The following KCNU1 variants were observed in gnomAD, a reference collection of about 807,000 sequenced individuals.
The protein encoded by KCNU1 is potassium calcium-activated channel subfamily U member 1.
In KCNU1, 93 loss-of-function variants were observed where a neutral mutation model predicts 126.8. The ratio of observed to expected loss-of-function variants is 0.73; its 90% CI spans 0.62 to 0.87. KCNU1 has a LOEUF of 0.87. Among genes scored for constraint, KCNU1 ranks in the 40% least tolerant of loss-of-function variants. The pLI, the probability that KCNU1 is intolerant of heterozygous loss-of-function variation, is 0.00. For missense variants in KCNU1, 1,330 were observed against 1,367.1 expected (o/e 0.97, Z 0.43); for synonymous variants, 523 against 494.2 (o/e 1.06, Z -0.77).
intron 18 of KCNU1, among the ~76,000 whole-genome samples, chr8:36,861,256 A>G (rs142436904): frequency 1.3e-5 from 2 of 152,212 alleles, no homozygotes; most frequent in African/African-American, 2.4e-5. Context: ...TTGCACTCCT[A>G]TATTTGTGTC....
intron 26 of KCNU1, among the ~76,000 whole-genome samples, chr8:36,934,899 T>G (rs572503933): frequency 6.6e-6 from 1 of 152,162 alleles, no homozygotes; most frequent in Non-Finnish European, 1.5e-5. Flanking sequence ...TAGGGTTCAT[T>G]AACGTTCACT....
intron 19 of KCNU1, among the ~76,000 whole-genome samples, chr8:36,869,387 A>G (rs1306649213): frequency 6.6e-6 from 1 of 152,110 alleles, no homozygotes; most frequent in East Asian, 1.9e-4. Context: ...AAATCTAAAT[A>G]CTTTTCCATA....
At chr8:36,849,504 T>C (rs1327524827) in intron 18 of KCNU1, among the ~76,000 whole-genome samples, 1 of 152,004 alleles carries the variant, frequency 6.6e-6, no homozygotes, top group African/African-American at 2.4e-5. Flanking sequence ...CAGGAGAATC[T>C]CTTGAACCCA....
intron 18 of KCNU1, among the ~76,000 whole-genome samples, chr8:36,859,445 A>C (rs898202731): frequency 6.6e-6 from 1 of 152,072 alleles, no homozygotes; most frequent in African/African-American, 2.4e-5. Context: ...TCTCCCCGCT[A>C]CTATACTCAA....
At chr8:36,809,139 C>T (rs530660141) in intron 7 of KCNU1, among the ~76,000 whole-genome samples, 2 of 152,224 alleles carry the variant, frequency 1.3e-5, no homozygotes, top group South Asian at 4.2e-4. Flanking sequence ...AAGCCAGTTA[C>T]AGGATTTCAG....
At chr8:36,827,808 G>A (rs1052836707) in intron 10 of KCNU1, among the ~76,000 whole-genome samples, 4 of 152,146 alleles carry the variant, frequency 2.6e-5, no homozygotes, top group African/African-American at 9.7e-5. Flanking sequence ...TAATTTCAGA[G>A]TATTTGAAAA....
At position 36,836,945 on chromosome 8, in the gene KCNU1, G is replaced by A; in HGVS notation, c.1518G>A (p.Lys506=). 1.2e-6 allele frequency: 2 copies of A among 1,613,320 alleles called. No individual in the cohort carries two copies. Among genetic ancestry groups the A allele is most frequent in the African/African-American group, 1.3e-5 (1 of 75,002 alleles). The change falls in exon 14 of 27, where the codon AAG becomes AAA. Residue 506 remains lysine (K), a splice_region_variant and synonymous_variant. Coordinates refer to ENST00000399881, the MANE Select transcript of KCNU1 (RefSeq NM_001031836.3). ...LTSLFVEQNK[K]VMPKQTWKKH... Reference sequence around the variant, plus strand: ...CTCTATTTGTGGAGCAAAACAAAAAGGTAACCTTGTAAATTACTGTTGATT... The same window carrying A: ...CTCTATTTGTGGAGCAAAACAAAAAAGTAACCTTGTAAATTACTGTTGATT...
chr8:36,920,407 T>C (rs1401168231), intron 23 of KCNU1, among the ~76,000 whole-genome samples: 2 of 151,984 alleles, frequency 1.3e-5, no homozygotes, highest in African/African-American at 4.8e-5. Context: ...TAAGTTAGAG[T>C]GGTTGCGAAG....
At chr8:36,805,306 G>A (rs1803457279) in intron 4 of KCNU1, 21 bp downstream of exon 4, 3 of 1,421,110 alleles carry the variant, frequency 2.1e-6, no homozygotes, top group East Asian at 2.3e-5. Flanking sequence ...ATTGAAAGTG[G>A]GAGTGAATAT....
chr8:36,934,942 T>C (rs932294396), intron 26 of KCNU1, among the ~76,000 whole-genome samples: 7 of 152,142 alleles, frequency 4.6e-5, no homozygotes, highest in Admixed American at 3.3e-4. Flanking sequence ...CAAATGAAAC[T>C]GTTTTTTTCT....
chr8:36,888,874 T>C (rs1461574078), intron 19 of KCNU1: 1 of 436,226 alleles, frequency 2.3e-6, no homozygotes, highest in Non-Finnish European at 4.7e-6. Flanking sequence ...TAAAAACTAC[T>C]AGTTCCATTT....
chr8:36,807,395 TTGCGCC>T lies in KCNU1; in HGVS notation c.605_610del (p.Arg202_Leu203del), dbSNP rs1803542723. 1 of 1,613,370 alleles carries T rather than the reference TTGCGCC, an allele frequency of 6.2e-7. No individual in the cohort carries two copies. The highest frequency in any genetic ancestry group is 1.7e-5 in the Admixed American group (1 of 59,978). ...TGTAGGTTTAAGGTTCCTAAGAGCC[TTGCGCC>T]TGCTAGAACTCCCTCAAATCTTGCA... On this transcript the variant is annotated inframe_deletion, in exon 6 of 27. Transcript: ENST00000399881.
intron 18 of KCNU1, among the ~76,000 whole-genome samples, chr8:36,847,625 A>G (rs918376811): frequency 6.6e-6 from 1 of 152,140 alleles, no homozygotes; most frequent in East Asian, 1.9e-4. Context: ...AGTCTCATAC[A>G]TGTTGCTGCT....
intron 16 of KCNU1, 96 bp downstream of exon 16, chr8:36,841,099 C>CTT: frequency 1.2e-6 from 1 of 828,210 alleles, no homozygotes; most frequent in East Asian, 2.6e-5. Context: ...AAAGATGCAG[C>CTT]TATAACTAAG....
chr8:36,808,942 T>C (rs1803606919), intron 7 of KCNU1, 149 bp downstream of exon 7: 2 of 613,300 alleles, frequency 3.3e-6, no homozygotes, highest in Non-Finnish European at 5.8e-6. Flanking sequence ...AGGTTTTCTT[T>C]ACCCTCATAT....
chr8:36,930,124 A>G (rs912941884), intron 24 of KCNU1, among the ~76,000 whole-genome samples: 3 of 152,150 alleles, frequency 2.0e-5, no homozygotes, highest in East Asian at 1.9e-4. Flanking sequence ...TCTAATTTAG[A>G]TAAAATGAAG....
chr8:36,823,609 T>C (rs1804207212), intron 10 of KCNU1, among the ~76,000 whole-genome samples: 1 of 151,890 alleles, frequency 6.6e-6, no homozygotes, highest in Non-Finnish European at 1.5e-5. Context: ...TGTTTCATTT[T>C]ATGTTTATCA....
intron 18 of KCNU1, among the ~76,000 whole-genome samples, chr8:36,855,793 T>G (rs1805508359): frequency 6.6e-6 from 1 of 152,210 alleles, no homozygotes; most frequent in Non-Finnish European, 1.5e-5. Flanking sequence ...TGTCTTCATT[T>G]TTTAAAGATA....
chr8:36,818,240 A>C (rs1337363161), intron 10 of KCNU1, among the ~76,000 whole-genome samples: 3 of 152,190 alleles, frequency 2.0e-5, no homozygotes, highest in Admixed American at 6.5e-5. Flanking sequence ...AAGGATTTTA[A>C]GTATAGCTTA....
Sources: allele counts gnomAD v4.1 joint callset (sites outside exome capture counted in the v4.1 genomes callset), GRCh38; gene constraint gnomAD v4.1.1; transcripts MANE v1.5; gene names NCBI Gene and HGNC (gene_info 2026-07-23, HGNC 2026-07-21).